DDX4: variants seen among roughly 807,000 people sequenced by gnomAD.
DDX4 encodes the protein probable ATP-dependent RNA helicase DDX4.
In DDX4, 25 loss-of-function variants were observed where a neutral mutation model predicts 100.0. That is an observed-to-expected ratio of 0.25 (90% confidence interval 0.18 to 0.35). The LOEUF (loss-of-function observed/expected upper bound fraction) is 0.35, where lower values mean the gene tolerates loss of function less well. Among genes scored for constraint, DDX4 ranks in the 10% least tolerant of loss-of-function variants. The pLI is 1.00. For missense variants in DDX4, 635 were observed against 882.4 expected, an observed-to-expected ratio of 0.72 and a Z score of 3.55; for synonymous variants, 259 against 275.7, an observed-to-expected ratio of 0.94 and a Z score of 0.60.
intron 5 of DDX4, among the ~76,000 whole-genome samples, chr5:55,763,694 G>A (rs1001454932): frequency 6.6e-6 from 1 of 152,100 alleles, no homozygotes; most frequent in South Asian, 2.1e-4. Flanking sequence ...TGAGAATTTT[G>A]ATGGTTTTAA....
intron 2 of DDX4, among the ~76,000 whole-genome samples, chr5:55,745,534 A>T (rs1193878748): frequency 6.6e-6 from 1 of 151,880 alleles, no homozygotes; most frequent in East Asian, 2.0e-4. Context: ...TGAACCTCCC[A>T]TCTCAGCCTC....
intron 18 of DDX4, among the ~76,000 whole-genome samples, chr5:55,801,962 C>T (rs1743343853): frequency 6.6e-6 from 1 of 152,156 alleles, no homozygotes; most frequent in Non-Finnish European, 1.5e-5. Context: ...AAGTGTATGA[C>T]CTTCCTTAAA....
chr5:55,801,283 C>T (rs533650955), intron 18 of DDX4, among the ~76,000 whole-genome samples: 2 of 147,190 alleles, frequency 1.4e-5, no homozygotes, highest in South Asian at 2.2e-4. Flanking sequence ...AGTAGTGTTA[C>T]GGTATTTTAT....
At chr5:55,769,065 G>C (rs1393515369) in intron 7 of DDX4, among the ~76,000 whole-genome samples, 4 of 152,102 alleles carry the variant, frequency 2.6e-5, no homozygotes, top group African/African-American at 9.7e-5. Flanking sequence ...CCATTCTGTA[G>C]GTTGTCTGTT....
chr5:55,749,266 C>CA (rs1445788608), intron 3 of DDX4, among the ~76,000 whole-genome samples: 1 of 152,016 alleles, frequency 6.6e-6, no homozygotes, highest in Non-Finnish European at 1.5e-5. Context: ...ACTGTCTGTA[C>CA]AAAAAATTTT....
chr5:55,815,936 G>GTT (rs1183741125), intron 21 of DDX4, among the ~76,000 whole-genome samples: 145 of 115,672 alleles, frequency 1.3e-3, no homozygotes, highest in African/African-American at 4.8e-3. Flanking sequence ...CATCTTAGCT[G>GTT]GTTTTTTTTT....
chr5:55,742,152 A>G, intron 2 of DDX4: 4 of 456,290 alleles, frequency 8.8e-6, no homozygotes, highest in South Asian at 6.2e-5. Context: ...GTTAAGAAAG[A>G]TTTTATAATG....
At chr5:55,784,220 T>C (rs1351573164) in intron 10 of DDX4, among the ~76,000 whole-genome samples, 1 of 152,176 alleles carries the variant, frequency 6.6e-6, no homozygotes, top group Non-Finnish European at 1.5e-5. Flanking sequence ...GGGGGATTGC[T>C]GGTACAAGTC....
At chr5:55,805,380 G>A (rs990866114) in intron 18 of DDX4, among the ~76,000 whole-genome samples, 6 of 151,216 alleles carry the variant, frequency 4.0e-5, no homozygotes, top group Non-Finnish European at 5.9e-5. Flanking sequence ...AGTGGTGAGA[G>A]AGGGCATCCC....
At chr5:55,779,051 G>A (rs1379668863) in intron 7 of DDX4, among the ~76,000 whole-genome samples, 2 of 152,108 alleles carry the variant, frequency 1.3e-5, no homozygotes, top group Non-Finnish European at 1.5e-5. Flanking sequence ...ATGTTAGTTG[G>A]AAGGAGTGCT....
In DDX4 at chr5:55,816,633, C is replaced by T; in HGVS notation, c.*93C>T. The T allele has an allele frequency of 1.3e-6, 2 of 1,530,908 alleles. No homozygotes were observed. Among genetic ancestry groups the T allele is most frequent in the South Asian group, 2.5e-5 (2 of 80,056 alleles). The allele number at this position is 1,530,908 out of a possible 1,614,324, so 94.8% of individuals were successfully genotyped here. On this transcript the variant is annotated 3_prime_UTR_variant, in exon 22 of 22. Coordinates refer to ENST00000505374, the MANE Select transcript of DDX4 (RefSeq NM_024415.3). ...TAACAGAAGTATAAAACTTAACATT[C>T]TCATAGCTCCTGTCCTTGTATTCTC... is the stretch of plus-strand genomic sequence containing the variant.
intron 18 of DDX4, among the ~76,000 whole-genome samples, chr5:55,804,809 CT>C (rs1284608184): frequency 6.6e-6 from 1 of 152,044 alleles, no homozygotes; most frequent in Non-Finnish European, 1.5e-5. Context: ...GATGCGGGCT[CT>C]TTTTTGGTTC....
intron 17 of DDX4, 130 bp from the exon 18 acceptor site, chr5:55,798,292 GTAAC>G (rs1743087161): frequency 1.1e-6 from 1 of 944,496 alleles, no homozygotes. Flanking sequence ...GGTGATATAA[GTAAC>G]CAACCATCTT....
chr5:55,782,228 T>C, intron 10 of DDX4: 1 of 419,852 alleles, frequency 2.4e-6, no homozygotes, highest in Non-Finnish European at 4.3e-6. Flanking sequence ...ATAGATGTAT[T>C]TGGAAATAAA....
At chr5:55,753,836 C>G (rs1759739737) in intron 3 of DDX4, among the ~76,000 whole-genome samples, 2 of 130,930 alleles carry the variant, frequency 1.5e-5, no homozygotes, top group African/African-American at 5.8e-5. Context: ...TTTGTATCCT[C>G]TTTTATTTCG....
At chr5:55,815,477 T>C (rs1744344563) in intron 21 of DDX4, 54 bp downstream of exon 21, 1 of 1,570,484 alleles carries the variant, frequency 6.4e-7, no homozygotes, top group Admixed American at 2.0e-5. Context: ...TTTGTAAATG[T>C]TGTGCTTAAT....
chr5:55,774,243 C>G (rs1364261992), intron 7 of DDX4, among the ~76,000 whole-genome samples: 1 of 151,780 alleles, frequency 6.6e-6, no homozygotes, highest in Non-Finnish European at 1.5e-5. Context: ...CTTCAACTTC[C>G]TGGTCTCAAG....
intron 7 of DDX4, 63 bp from the exon 8 acceptor site, chr5:55,779,901 C>T: frequency 1.3e-6 from 2 of 1,546,546 alleles, no homozygotes; most frequent in African/African-American, 1.4e-5. Context: ...TAAATTTGAC[C>T]ATGTCCCCAA....
intron 8 of DDX4, 34 bp from the exon 9 acceptor site, chr5:55,781,032 T>C (rs1003102463): frequency 6.4e-7 from 1 of 1,570,958 alleles, no homozygotes. Context: ...TTCTTCAAAG[T>C]AATGTAATCT....
Sources: gnomAD v4.1 joint callset for allele counts (sites outside exome capture counted in the v4.1 genomes callset) on GRCh38, gnomAD v4.1.1 for gene constraint, MANE v1.5 for transcripts, NCBI Gene and HGNC (gene_info 2026-07-23, HGNC 2026-07-21) for gene names.